Variants in GLIS3 observed in about 807,000 individuals in gnomAD.
GLIS3 encodes zinc finger protein GLIS3.
A neutral mutation model predicts 78.6 loss-of-function variants in GLIS3; 53 were observed. The observed-to-expected ratio is 0.67, with a 90% CI of 0.54 to 0.85. The LOEUF (loss-of-function observed/expected upper bound fraction) is 0.85, where lower values mean the gene tolerates loss of function less well. Ranked by LOEUF, GLIS3 falls within the 40% of genes least tolerant of loss-of-function variation. The pLI, the probability that GLIS3 is intolerant of heterozygous loss-of-function variation, is 0.00. For synonymous variants in GLIS3, 684 were observed against 509.9 expected, an observed-to-expected ratio of 1.34 and a Z score of -4.60; for missense variants, 1,703 against 1,231.1, an observed-to-expected ratio of 1.38 and a Z score of -5.74.
chr9:4,405,489 A>C, the GLIS3 span, among the ~76,000 whole-genome samples: 6 of 152,200 alleles, frequency 3.9e-5, no homozygotes, highest in Non-Finnish European at 1.5e-5. Context: ...AAATGGATAA[A>C]TTCCTACGCA....
intron 7 of GLIS3, among the ~76,000 whole-genome samples, chr9:3,885,294 C>T (rs1185410850): frequency 1.3e-5 from 2 of 152,154 alleles, no homozygotes; most frequent in Non-Finnish European, 2.9e-5. Flanking sequence ...ATGTTCTGGG[C>T]TGAAAGGCCA....
At chr9:4,022,336 T>A (rs1228624231) in intron 4 of GLIS3, among the ~76,000 whole-genome samples, 2 of 152,228 alleles carry the variant, frequency 1.3e-5, no homozygotes, top group African/African-American at 2.4e-5. Context: ...TATTTTAGGT[T>A]TTCCCCCTTT....
chr9:4,327,830 C>T (rs144661622), intron 2 of GLIS3, among the ~76,000 whole-genome samples: 14 of 152,308 alleles, frequency 9.2e-5, no homozygotes, highest in African/African-American at 3.1e-4. Flanking sequence ...TGTCACTCCT[C>T]GAGGTGCATC....
chr9:4,321,722 T>C (rs1175613989), intron 2 of GLIS3, among the ~76,000 whole-genome samples: 1 of 151,780 alleles, frequency 6.6e-6, no homozygotes, highest in East Asian at 1.9e-4. Context: ...TTGGCAGTTT[T>C]GTTTTGTTTT....
intron 9 of GLIS3, among the ~76,000 whole-genome samples, chr9:3,845,525 T>C (rs1466354506): frequency 6.6e-6 from 1 of 152,156 alleles, no homozygotes; most frequent in African/African-American, 2.4e-5. Context: ...GTAAGGACTT[T>C]AAAAAACTGA....
chr9:4,326,243 A>T (rs10974465), intron 2 of GLIS3, among the ~76,000 whole-genome samples: 42,798 of 152,086 alleles, frequency 0.28, 7,778 homozygotes, highest in African/African-American at 0.52. Context: ...GTTGAAGAAA[A>T]ATATATACAC....
intron 2 of GLIS3, among the ~76,000 whole-genome samples, chr9:4,257,565 A>ATGTTGTTGTTGT (rs71324292): frequency 9.6e-5 from 4 of 41,486 alleles, no homozygotes; most frequent in Non-Finnish European, 2.3e-4. Context: ...TAACATGTAT[A>ATGTTGTTGTTGT]TGTTGTTGTT....
intron 9 of GLIS3, among the ~76,000 whole-genome samples, chr9:3,843,350 CTA>C (rs1818838486): frequency 6.6e-6 from 1 of 152,174 alleles, no homozygotes; most frequent in African/African-American, 2.4e-5. Context: ...AGCTGAGTCT[CTA>C]TTATATATGG....
the GLIS3 span, among the ~76,000 whole-genome samples, chr9:4,445,354 TG>T: frequency 3.3e-5 from 5 of 152,166 alleles, no homozygotes; most frequent in African/African-American, 1.2e-4. Context: ...AGGCCAGGTG[TG>T]GTGGTTCACG....
chr9:4,117,646 A>G (rs1317341171), intron 4 of GLIS3, 122 bp downstream of exon 4: 2 of 1,063,832 alleles, frequency 1.9e-6, no homozygotes, highest in East Asian at 2.4e-5. Context: ...GGGGAACCCC[A>G]TCTCATGGAT....
At chr9:3,868,501 A>G (rs1208166208) in intron 8 of GLIS3, among the ~76,000 whole-genome samples, 2 of 152,188 alleles carry the variant, frequency 1.3e-5, no homozygotes, top group Non-Finnish European at 2.9e-5. Context: ...CATAATCCCT[A>G]TTGTGCTGCT....
intron 4 of GLIS3, among the ~76,000 whole-genome samples, chr9:4,008,152 G>A (rs1411317314): frequency 1.3e-5 from 2 of 152,218 alleles, no homozygotes; most frequent in Admixed American, 6.5e-5. Flanking sequence ...GAGTGGCTGA[G>A]AGTGGGCTTG....
chr9:4,379,046 T>G, the GLIS3 span, among the ~76,000 whole-genome samples: 2 of 152,204 alleles, frequency 1.3e-5, no homozygotes. Context: ...TGTTTTCAAG[T>G]GCTTGTGGTT....
At chr9:4,096,384 A>C (rs1384361866) in intron 4 of GLIS3, among the ~76,000 whole-genome samples, 2 of 152,234 alleles carry the variant, frequency 1.3e-5, no homozygotes, top group Admixed American at 1.3e-4. Context: ...TTGTATTGTT[A>C]ACTCATACGA....
intron 2 of GLIS3, among the ~76,000 whole-genome samples, chr9:4,143,383 A>G (rs1207611521): frequency 1.3e-5 from 2 of 152,006 alleles, no homozygotes; most frequent in Non-Finnish European, 2.9e-5. Context: ...CCTGTCCAAC[A>G]TGATGAAACC....
the GLIS3 span, among the ~76,000 whole-genome samples, chr9:4,435,506 C>T: frequency 6.6e-6 from 1 of 152,210 alleles, no homozygotes; most frequent in South Asian, 2.1e-4. Context: ...ACAAGATCAT[C>T]AAAAGGCATC....
chr9:4,176,073 G>C (rs1031256188), intron 2 of GLIS3, among the ~76,000 whole-genome samples: 1 of 152,106 alleles, frequency 6.6e-6, no homozygotes, highest in African/African-American at 2.4e-5. Context: ...AATCTCTTCT[G>C]TTCACAGAAC....
chr9:4,100,692 T>C (rs1046491872), intron 4 of GLIS3, among the ~76,000 whole-genome samples: 3 of 152,158 alleles, frequency 2.0e-5, no homozygotes, highest in East Asian at 3.9e-4. Flanking sequence ...AGTAGTAGTA[T>C]AGAATTATCT....
chr9:4,153,603 TTAAAC>T (rs1258794197), intron 2 of GLIS3, among the ~76,000 whole-genome samples: 1 of 152,058 alleles, frequency 6.6e-6, no homozygotes, highest in African/African-American at 2.4e-5. Context: ...GGAAGACTAA[TTAAAC>T]TAAATAAAGA....
Sources: allele counts gnomAD v4.1 joint callset (sites outside exome capture counted in the v4.1 genomes callset), GRCh38; gene constraint gnomAD v4.1.1; transcripts MANE v1.5; gene names NCBI Gene and HGNC (gene_info 2026-07-23, HGNC 2026-07-21).